Variants in UTP4 observed in about 807,000 individuals in gnomAD.
The protein encoded by UTP4 is U3 small nucleolar RNA-associated protein 4 homolog.
A neutral mutation model predicts 82.4 loss-of-function variants in UTP4; 45 were observed. The ratio of observed to expected loss-of-function variants is 0.55; its 90% CI spans 0.43 to 0.70. The LOEUF (loss-of-function observed/expected upper bound fraction) is 0.70. Ranked by LOEUF, UTP4 falls within the 30% of genes least tolerant of loss-of-function variation. The pLI is 0.00. For missense variants in UTP4, 819 were observed against 858.3 expected, an observed-to-expected ratio of 0.95 and a Z score of 0.57; for synonymous variants, 348 against 300.3, an observed-to-expected ratio of 1.16 and a Z score of -1.64.
At chr16:69,144,213 T>C (rs1401647776) in intron 6 of UTP4, among the ~76,000 whole-genome samples, 1 of 149,802 alleles carries the variant, frequency 6.7e-6, no homozygotes, top group South Asian at 2.1e-4. Context: ...TTTTTTTTTA[T>C]TTTTTTGAGA....
At chr16:69,152,129 A>G (rs1963288721) in intron 8 of UTP4, among the ~76,000 whole-genome samples, 1 of 151,592 alleles carries the variant, frequency 6.6e-6, no homozygotes, top group African/African-American at 2.4e-5. Context: ...AATCTCTTGA[A>G]TCGAGTCATT....
intron 12 of UTP4, among the ~76,000 whole-genome samples, chr16:69,159,891 G>A (rs1420713363): frequency 1.3e-5 from 2 of 151,890 alleles, no homozygotes; most frequent in African/African-American, 4.8e-5. Context: ...AGGAGGCTGA[G>A]GCGGGTGAAT....
In UTP4 at chr16:69,153,642, A is replaced by C. The variant is rs755803540; in HGVS notation, c.1061A>C (p.His354Pro). The change falls in exon 9 of 17, where the codon CAC becomes CCC. Residue 354 changes from histidine (H) to proline (P), a missense_variant. His to Pro is a moderately conservative substitution (Grantham distance 77). Coordinates refer to ENST00000314423, the MANE Select transcript of UTP4 (RefSeq NM_032830.3). ...CTTCTCCTCTTCCAGTTTGCTCATCACTTAGAACTTTGGCGACTGGGATCC... is the reference window on the plus strand; with the variant it reads ...CTTCTCCTCTTCCAGTTTGCTCATCCCTTAGAACTTTGGCGACTGGGATCC... ...RQLLLFQFAH[H>P]LELWRLGSTV... 1 of 1,613,466 alleles carries C rather than the reference A, an allele frequency of 6.2e-7. No individual in the cohort carries two copies.
At chr16:69,153,739 A>G (rs750334379) in intron 9 of UTP4, 59 bp downstream of exon 9, 17 of 1,183,686 alleles carry the variant, frequency 1.4e-5, no homozygotes, top group Non-Finnish European at 2.0e-5. Context: ...CAGAAATCAG[A>G]ATTGCGGTTG....
chr16:69,137,674 G>T (rs1282919937), intron 3 of UTP4, 127 bp from the exon 4 acceptor site: 1 of 666,602 alleles, frequency 1.5e-6, no homozygotes, highest in Non-Finnish European at 2.7e-6. Context: ...TCTTTTTCAC[G>T]GCAACTGATA....
intron 6 of UTP4, among the ~76,000 whole-genome samples, chr16:69,147,508 A>G (rs193302765): frequency 6.6e-6 from 1 of 152,232 alleles, no homozygotes; most frequent in African/African-American, 2.4e-5. Context: ...CTGTCTCCAA[A>G]CAAACAAACA....
rs571293269 is a variant in UTP4 at position 69,143,105 on chromosome 16, A to G, written c.527-73A>G. ...ACTCCAGGGCTCAAGCAGTCCTTCCACTTTGGCCGCAGGCAGATTTTGAAG... is the reference window on the plus strand; with the variant it reads ...ACTCCAGGGCTCAAGCAGTCCTTCCGCTTTGGCCGCAGGCAGATTTTGAAG... On this transcript the variant is annotated intron_variant, in intron 5 of 16. Coordinates refer to ENST00000314423, the MANE Select transcript of UTP4 (RefSeq NM_032830.3). 14 of 1,508,640 alleles carry G rather than the reference A, an allele frequency of 9.3e-6. No individual in the cohort carries two copies. The African/African-American group carries it at 9.6e-5, about 10-fold the overall frequency. The allele number at this position is 1,508,640 out of a possible 1,614,324, so 93.5% of individuals were successfully genotyped here.
Position 69,150,649 on chromosome 16 carries a change from A to G in UTP4, c.851A>G (p.Gln284Arg), listed in dbSNP as rs774060832. 6.2e-7 allele frequency: 1 copy of G among 1,614,216 alleles called. No homozygotes were observed. Among genetic ancestry groups the G allele is most frequent in the East Asian group, 2.2e-5 (1 of 44,882 alleles). Residue 284 changes from glutamine to arginine, a missense_variant, in exon 7 of 17, where the codon CAG (glutamine) becomes CGG (arginine). Transcript: ENST00000314423. ...EKQWVRTKPF[Q>R]HHTHDVRTVA... ...CAGTGGGTGCGGACAAAACCGTTCC[A>G]GCATCACACTCATGACGTGCGCACT...
intron 4 of UTP4, chr16:69,139,596 A>C (rs1051213812): frequency 6.0e-6 from 1 of 167,576 alleles, no homozygotes; most frequent in Non-Finnish European, 1.2e-5. Context: ...CCGAGATCCC[A>C]CTGCGGCACT....
chr16:69,165,615 TC>T, intron 15 of UTP4, 89 bp downstream of exon 15: 1 of 1,111,802 alleles, frequency 9.0e-7, no homozygotes, highest in Non-Finnish European at 1.3e-6. Flanking sequence ...GGACAGAGAC[TC>T]AGAATAAAGG....
At chr16:69,147,619 AT>A (rs934921215) in intron 6 of UTP4, among the ~76,000 whole-genome samples, 5 of 151,608 alleles carry the variant, frequency 3.3e-5, no homozygotes, top group African/African-American at 1.2e-4. Context: ...CAGATTTTGG[AT>A]TTTTTTTTGG....
chr16:69,162,938 G>A (rs1489105893), intron 13 of UTP4, 145 bp from the exon 14 acceptor site: 4 of 738,992 alleles, frequency 5.4e-6, no homozygotes, highest in Admixed American at 3.9e-5. Context: ...CATTGGTTGG[G>A]GAAATGCCTG....
chr16:69,151,211 G>A (rs929885640), intron 8 of UTP4, among the ~76,000 whole-genome samples: 4 of 151,968 alleles, frequency 2.6e-5, no homozygotes, highest in African/African-American at 9.7e-5. Context: ...TTTCCATGTT[G>A]GTCAGGCTGA....
intron 2 of UTP4, among the ~76,000 whole-genome samples, chr16:69,136,220 A>C (rs754061784): frequency 6.6e-6 from 1 of 152,206 alleles, no homozygotes; most frequent in African/African-American, 2.4e-5. Flanking sequence ...TAAGCATAAA[A>C]TGCCTTGATA....
chr16:69,166,879 C>CT, intron 15 of UTP4, 196 bp from the exon 16 acceptor site: 1 of 589,766 alleles, frequency 1.7e-6, no homozygotes, highest in East Asian at 2.8e-5. Context: ...TCCTTTTCTT[C>CT]TTTTTTTCCC....
Position 69,137,877 on chromosome 16 carries a change from G to A in UTP4, c.428G>A (p.Arg143Gln). ...DKIQFERNFD[R>Q]QKSRILSLSW... ...ATCCAGTTTGAAAGAAATTTTGATC[G>A]GCAGAAAAGTAAGCGTCATTTTTCA... Residue 143 changes from arginine to glutamine, a missense_variant, in exon 4 of 17, where the codon CGG (arginine) becomes CAG (glutamine). Arg to Gln is a conservative substitution (Grantham distance 43). Transcript: ENST00000314423. 8 of 1,604,940 alleles carry A rather than the reference G, an allele frequency of 5.0e-6. No homozygotes were observed. Among genetic ancestry groups the A allele is most frequent in the Non-Finnish European group, 6.0e-6 (7 of 1,171,722 alleles).
intron 6 of UTP4, among the ~76,000 whole-genome samples, chr16:69,145,272 T>A (rs893063940): frequency 1.2e-4 from 18 of 152,170 alleles, no homozygotes; most frequent in Non-Finnish European, 1.6e-4. Flanking sequence ...TTTTAAAAAA[T>A]TTTTTTGAGA....
At chr16:69,146,449 A>G (rs1263447740) in intron 6 of UTP4, among the ~76,000 whole-genome samples, 1 of 152,200 alleles carries the variant, frequency 6.6e-6, no homozygotes, top group Admixed American at 6.5e-5. Flanking sequence ...TCCATCTTGC[A>G]GCATTATCAG....
intron 5 of UTP4, among the ~76,000 whole-genome samples, chr16:69,140,926 T>C (rs1268567014): frequency 6.6e-6 from 1 of 152,152 alleles, no homozygotes; most frequent in Non-Finnish European, 1.5e-5. Context: ...CCTCCCAGTA[T>C]GGTTATATTA....
Sources: allele counts gnomAD v4.1 joint callset (sites outside exome capture counted in the v4.1 genomes callset), GRCh38; gene constraint gnomAD v4.1.1; transcripts MANE v1.5; gene names NCBI Gene and HGNC (gene_info 2026-07-23, HGNC 2026-07-21).